The following FLVCR2 variants were observed in gnomAD, a reference collection of about 807,000 sequenced individuals.
The protein encoded by FLVCR2 is choline/ethanolamine transporter FLVCR2.
Under a neutral mutation model 48.9 loss-of-function variants are expected in FLVCR2, and 38 were observed. The observed-to-expected ratio is 0.78, with a 90% CI of 0.60 to 1.02. The LOEUF (loss-of-function observed/expected upper bound fraction) is 1.02, where lower values mean the gene tolerates loss of function less well. FLVCR2 is among the 50% of genes least tolerant of loss of function. FLVCR2 has a pLI of 0.00. For missense variants in FLVCR2, 664 were observed against 663.3 expected (o/e 1.00, Z -0.01); for synonymous variants, 255 against 257.0 (o/e 0.99, Z 0.07).
intron 1 of FLVCR2, among the ~76,000 whole-genome samples, chr14:75,599,811 G>A (rs4903334): frequency 0.43 from 65,808 of 152,192 alleles, 19,889 homozygotes; most frequent in African/African-American, 0.84. Flanking sequence ...CCTTGTGTAT[G>A]TGGTCAAATG....
intron 1 of FLVCR2, among the ~76,000 whole-genome samples, chr14:75,581,248 G>T (rs1888598947): frequency 6.6e-6 from 1 of 152,272 alleles, no homozygotes; most frequent in South Asian, 2.1e-4. Context: ...AGAAAAACAG[G>T]TATTAAAGGA....
rs141180193 is a variant in FLVCR2, at chr14:75,614,076, A to G, written c.670-8003A>G. 5.0e-3 allele frequency among the ~76,000 whole-genome samples: 767 copies of G among 152,346 alleles called. 4 individuals carry two copies. The highest frequency in any genetic ancestry group is 0.048 in the Middle Eastern group (14 of 294). Reference sequence around the variant, plus strand: ...TGTATCATGTAAAACATCCTTTGGCAAGGACAGCATCATACTGAATGCTTT... The same window carrying G: ...TGTATCATGTAAAACATCCTTTGGCGAGGACAGCATCATACTGAATGCTTT... On this transcript the variant is annotated intron_variant, in intron 1 of 9. Coordinates refer to ENST00000238667, the MANE Select transcript of FLVCR2 (RefSeq NM_017791.3).
rs115927081 is a variant in FLVCR2, at chr14:75,595,276, C to T, written c.669+15635C>T. Among the ~76,000 whole-genome samples the T allele has an allele frequency of 3.1e-3, 473 of 152,284 alleles. 3 individuals carry two copies. Among genetic ancestry groups the T allele is most frequent in the African/African-American group, 0.011 (448 of 41,536 alleles). On this transcript the variant is annotated intron_variant, in intron 1 of 9. Transcript: ENST00000238667. ...TATAGATGGCCGCATAAGCAATGGC[C>T]CCTAGGTTAACTAGTTGGATAAACA...
intron 1 of FLVCR2, among the ~76,000 whole-genome samples, chr14:75,594,117 T>C (rs529135145): frequency 6.6e-6 from 1 of 152,362 alleles, no homozygotes; most frequent in South Asian, 2.1e-4. Context: ...TCTTTGCAAG[T>C]AGATAACAAG....
chr14:75,590,390 A>G (rs1035376864), intron 1 of FLVCR2, among the ~76,000 whole-genome samples: 5 of 152,168 alleles, frequency 3.3e-5, no homozygotes, highest in Non-Finnish European at 5.9e-5. Context: ...TCATATCCAA[A>G]CCATAGTATT....
At chr14:75,618,079 T>G (rs575396034) in intron 1 of FLVCR2, among the ~76,000 whole-genome samples, 1 of 152,342 alleles carries the variant, frequency 6.6e-6, no homozygotes, top group Admixed American at 6.5e-5. Context: ...CAGAACCTTG[T>G]GGGCTGTGCT....
At chr14:75,623,568 G>A (rs550522500) in intron 2 of FLVCR2, among the ~76,000 whole-genome samples, 2 of 152,034 alleles carry the variant, frequency 1.3e-5, no homozygotes, top group Admixed American at 6.5e-5. Flanking sequence ...TCATTCAACC[G>A]TTCTCATTGC....
intron 3 of FLVCR2, among the ~76,000 whole-genome samples, chr14:75,631,306 C>T (rs1164510741): frequency 6.6e-6 from 1 of 152,198 alleles, no homozygotes; most frequent in Non-Finnish European, 1.5e-5. Context: ...CGATCAGAAT[C>T]ACCTGGGAGG....
intron 1 of FLVCR2, among the ~76,000 whole-genome samples, chr14:75,588,372 T>C (rs977290230): frequency 6.6e-6 from 1 of 152,228 alleles, no homozygotes; most frequent in Non-Finnish European, 1.5e-5. Flanking sequence ...TTAATGACAT[T>C]GATCCATTCA....
intron 1 of FLVCR2, among the ~76,000 whole-genome samples, chr14:75,586,382 T>C (rs1363545731): frequency 6.6e-6 from 1 of 152,202 alleles, no homozygotes; most frequent in Non-Finnish European, 1.5e-5. Flanking sequence ...TGATGGAATG[T>C]CATCAGTTAA....
At position 75,639,384 on chromosome 14, in the gene FLVCR2, T is replaced by C; in HGVS notation, c.1157T>C (p.Leu386Pro). The C allele has an allele frequency of 1.2e-6, 2 of 1,613,982 alleles. No homozygotes were observed. The highest frequency in any genetic ancestry group is 1.1e-5 in the South Asian group (1 of 91,086). The change falls in exon 6 of 10, where the codon CTG becomes CCG. Residue 386 changes from leucine (L) to proline (P), a missense_variant. Coordinates refer to ENST00000238667, the MANE Select transcript of FLVCR2 (RefSeq NM_017791.3). ...ETTLVVYIMT[L>P]VGMVVYTFTL... ...ACCCTGGTAGTCTATATCATGACAC[T>C]GGTGGGCATGGTGGTGTACACGTTT...
chr14:75,586,081 A>G (rs1471513647), intron 1 of FLVCR2, among the ~76,000 whole-genome samples: 2 of 152,248 alleles, frequency 1.3e-5, no homozygotes, highest in African/African-American at 2.4e-5. Context: ...TGTCTCACGC[A>G]TCCACGTGAA....
rs1000756162 is a variant in FLVCR2, at chr14:75,579,285, T to C, written c.313T>C (p.Tyr105His). Residue 105 changes from tyrosine to histidine, a missense_variant, in exon 1 of 10, where the codon TAC becomes CAC. Coordinates refer to ENST00000238667, the MANE Select transcript of FLVCR2 (RefSeq NM_017791.3). Reference protein sequence around the residue: ...SMCNSFQWIQYGSINNIFMHF... With the variant: ...SMCNSFQWIQHGSINNIFMHF... ...GTGCAACTCCTTTCAGTGGATCCAG[T>C]ACGGCTCCATCAATAACATCTTCAT... 2 of 1,614,200 alleles carry C rather than the reference T, an allele frequency of 1.2e-6. No individual in the cohort carries two copies. Among genetic ancestry groups the C allele is most frequent in the Non-Finnish European group, 1.7e-6 (2 of 1,180,004 alleles).
intron 3 of FLVCR2, among the ~76,000 whole-genome samples, chr14:75,626,889 G>A (rs1889913468): frequency 1.3e-5 from 2 of 151,900 alleles, no homozygotes; most frequent in African/African-American, 4.9e-5. Context: ...GCCTACCTGG[G>A]ATTCTAGGGC....
Position 75,579,135 on chromosome 14 carries a change from C to G in FLVCR2, c.163C>G (p.Pro55Ala). The change falls in exon 1 of 10, where the codon CCC (proline) becomes GCC (alanine). Residue 55 changes from proline (P) to alanine (A), a missense_variant. Pro to Ala is a conservative substitution (Grantham distance 27). Transcript: ENST00000238667. Reference protein sequence around the residue: ...VSVHPSSSAHPSALAQPSGLA... With the variant: ...VSVHPSSSAHASALAQPSGLA... ...TGTCCACCCCAGCAGTTCGGCCCAC[C>G]CCAGTGCCTTAGCCCAACCCAGTGG... 6.2e-7 allele frequency: 1 copy of G among 1,614,126 alleles called. No homozygotes were observed. Among genetic ancestry groups the G allele is most frequent in the South Asian group, 1.1e-5 (1 of 91,074 alleles).
chr14:75,636,546 T>A (rs939039742), intron 5 of FLVCR2, among the ~76,000 whole-genome samples: 7 of 152,134 alleles, frequency 4.6e-5, no homozygotes, highest in African/African-American at 1.7e-4. Context: ...ATGATTCAGA[T>A]GAATTAGAAA....
chr14:75,636,789 G>A (rs1890176316), intron 5 of FLVCR2, among the ~76,000 whole-genome samples: 1 of 152,122 alleles, frequency 6.6e-6, no homozygotes, highest in African/African-American at 2.4e-5. Context: ...GTCTAGTTTT[G>A]TTTGGAGGTT....
intron 1 of FLVCR2, among the ~76,000 whole-genome samples, chr14:75,581,297 T>A (rs1284513074): frequency 2.0e-5 from 3 of 152,088 alleles, no homozygotes; most frequent in Admixed American, 6.5e-5. Context: ...AATTAGAGAG[T>A]GTCCAAAGGG....
intron 1 of FLVCR2, among the ~76,000 whole-genome samples, chr14:75,583,321 C>A (rs933299813): frequency 6.6e-6 from 1 of 151,972 alleles, no homozygotes; most frequent in Non-Finnish European, 1.5e-5. Context: ...GGTGAAATGG[C>A]GGAATTGTAG....
Sources: allele counts gnomAD v4.1 joint callset (sites outside exome capture counted in the v4.1 genomes callset), GRCh38; gene constraint gnomAD v4.1.1; transcripts MANE v1.5; gene names NCBI Gene and HGNC (gene_info 2026-07-23, HGNC 2026-07-21).